LRRTM4: variants seen among roughly 807,000 people sequenced by gnomAD.
The protein encoded by LRRTM4 is leucine rich repeat transmembrane neuronal 4, also known as leucine-rich repeat transmembrane neuronal protein 4.
LRRTM4 carries 25 observed loss-of-function variants against 47.6 expected under a neutral mutation model. The observed-to-expected ratio is 0.53, with a 90% CI of 0.38 to 0.73. The LOEUF is 0.73. Among genes scored for constraint, LRRTM4 ranks in the 30% least tolerant of loss-of-function variants. The pLI, the probability that LRRTM4 is intolerant of heterozygous loss-of-function variation, is 0.00. For synonymous variants in LRRTM4, 311 were observed against 269.5 expected (o/e 1.15, Z -1.51); for missense variants, 638 against 713.4 (o/e 0.89, Z 1.20).
chr2:77,141,362 A>G (rs1178216966), intron 3 of LRRTM4, among the ~76,000 whole-genome samples: 1 of 152,016 alleles, frequency 6.6e-6, no homozygotes, highest in Non-Finnish European at 1.5e-5. Context: ...TCAGCAAACT[A>G]TCACAAGGAC....
At chr2:77,022,203 C>T (rs555296292) in intron 3 of LRRTM4, among the ~76,000 whole-genome samples, 49 of 152,274 alleles carry the variant, frequency 3.2e-4, no homozygotes, top group South Asian at 1.0e-3. Flanking sequence ...CATCAGATCT[C>T]TTGAGTCTTA....
chr2:76,890,582 A>T (rs1673220013), intron 3 of LRRTM4, among the ~76,000 whole-genome samples: 1 of 151,992 alleles, frequency 6.6e-6, no homozygotes, highest in South Asian at 2.1e-4. Context: ...TAAACATCAG[A>T]TAAGAAAAAA....
intron 3 of LRRTM4, among the ~76,000 whole-genome samples, chr2:77,226,585 T>G (rs1445401557): frequency 6.7e-6 from 1 of 150,302 alleles, no homozygotes; most frequent in Non-Finnish European, 1.5e-5. Context: ...CTAAAACAAT[T>G]ATTGCACTTA....
intron 3 of LRRTM4, among the ~76,000 whole-genome samples, chr2:77,473,232 G>A (rs1004816513): frequency 6.6e-6 from 1 of 152,072 alleles, no homozygotes; most frequent in African/African-American, 2.4e-5. Context: ...AGGGCTAAAT[G>A]TTACAATATA....
intron 3 of LRRTM4, among the ~76,000 whole-genome samples, chr2:76,997,024 A>G (rs1677227243): frequency 6.6e-6 from 1 of 152,150 alleles, no homozygotes; most frequent in South Asian, 2.1e-4. Flanking sequence ...GCTAAAGGAC[A>G]GGGTGTTGTC....
chr2:77,242,056 T>C (rs186000325), intron 3 of LRRTM4, among the ~76,000 whole-genome samples: 2 of 152,198 alleles, frequency 1.3e-5, no homozygotes, highest in African/African-American at 2.4e-5. Flanking sequence ...TATAACAAGT[T>C]TGAAAATCTG....
intron 3 of LRRTM4, among the ~76,000 whole-genome samples, chr2:77,514,917 T>C (rs4479445): frequency 0.32 from 47,990 of 151,798 alleles, 8,181 homozygotes; most frequent in Admixed American, 0.4. Context: ...TCCCTGGTCA[T>C]ATTTTTTAAT....
Position 76,894,908 on chromosome 2 carries a change from C to G in LRRTM4, c.1552-145992G>C, listed in dbSNP as rs555480997. 1.1e-4 allele frequency among the ~76,000 whole-genome samples: 17 copies of G among 151,060 alleles called. No individual in the cohort carries two copies. In the South Asian group the frequency reaches 3.3e-3, roughly 30 times the overall value. ...AGTCTCATATCTGCACATAGCTATA[C>G]TAGATACAACTCATTAATAATTTAT... On this transcript the variant is annotated intron_variant, in intron 3 of 3. Transcript: ENST00000409884.
intron 3 of LRRTM4, among the ~76,000 whole-genome samples, chr2:77,049,281 G>C (rs989635601): frequency 3.3e-5 from 5 of 150,302 alleles, no homozygotes; most frequent in African/African-American, 9.8e-5. Context: ...ATATCTATTT[G>C]ACATATTGAT....
At chr2:77,465,017 A>G (rs1223956879) in intron 3 of LRRTM4, among the ~76,000 whole-genome samples, 1 of 152,168 alleles carries the variant, frequency 6.6e-6, no homozygotes, top group African/African-American at 2.4e-5. Context: ...CTTTACCTAG[A>G]GATAAAGCAT....
intron 3 of LRRTM4, among the ~76,000 whole-genome samples, chr2:77,269,495 T>C (rs960346023): frequency 6.6e-6 from 1 of 152,190 alleles, no homozygotes; most frequent in Admixed American, 6.5e-5. Flanking sequence ...TTTAACACAA[T>C]AGATTATATG....
At chr2:77,167,462 A>G (rs1672919109) in intron 3 of LRRTM4, among the ~76,000 whole-genome samples, 1 of 152,210 alleles carries the variant, frequency 6.6e-6, no homozygotes, top group Non-Finnish European at 1.5e-5. Flanking sequence ...GTATATACCC[A>G]AAGGATTATA....
At chr2:76,971,517 G>T (rs1676218322) in intron 3 of LRRTM4, among the ~76,000 whole-genome samples, 1 of 152,008 alleles carries the variant, frequency 6.6e-6, no homozygotes, top group African/African-American at 2.4e-5. Context: ...GGCATCAGGG[G>T]TGTCTGTCTC....
chr2:77,066,854 G>T (rs1679972309), intron 3 of LRRTM4, among the ~76,000 whole-genome samples: 1 of 152,228 alleles, frequency 6.6e-6, no homozygotes, highest in Non-Finnish European at 1.5e-5. Context: ...AAACCAGTAT[G>T]TCTGGTAATG....
At chr2:77,014,226 CG>C (rs942484956) in intron 3 of LRRTM4, among the ~76,000 whole-genome samples, 30 of 151,888 alleles carry the variant, frequency 2.0e-4, no homozygotes, top group African/African-American at 5.8e-4. Context: ...TCAAAAGTAA[CG>C]GGAAGTAGGC....
intron 3 of LRRTM4, among the ~76,000 whole-genome samples, chr2:76,881,174 A>G (rs1363027377): frequency 2.0e-5 from 3 of 152,196 alleles, no homozygotes; most frequent in Non-Finnish European, 4.4e-5. Context: ...AATTGTGTAT[A>G]TGGAAACATC....
chr2:77,307,362 T>C (rs1207942873), intron 3 of LRRTM4, among the ~76,000 whole-genome samples: 2 of 151,366 alleles, frequency 1.3e-5, no homozygotes, highest in African/African-American at 4.8e-5. Context: ...ATATTTCATA[T>C]TTCAGGAATT....
At chr2:77,106,790 T>C (rs768134836) in intron 3 of LRRTM4, among the ~76,000 whole-genome samples, 41 of 151,716 alleles carry the variant, frequency 2.7e-4, no homozygotes, top group Admixed American at 2.1e-3. Context: ...ATATTAATGA[T>C]AATAATAATA....
At position 76,795,109 on chromosome 2, in the gene LRRTM4, C is replaced by T. The variant is rs894284981; in HGVS notation, c.1552-46193G>A. Among the ~76,000 whole-genome samples, 6 of 151,766 alleles carry T rather than the reference C, an allele frequency of 4.0e-5. No homozygotes were observed. In the South Asian group the frequency reaches 6.2e-4, roughly 16 times the overall value. ...GACGGCAGATATGACATGCTCAATACCGAGAGATTTACTAACAATAATATT... is the reference window on the plus strand; with the variant it reads ...GACGGCAGATATGACATGCTCAATATCGAGAGATTTACTAACAATAATATT... On this transcript the variant is annotated intron_variant, in intron 3 of 3. Coordinates refer to ENST00000409884, the MANE Select transcript of LRRTM4 (RefSeq NM_001134745.3).
Sources: allele counts gnomAD v4.1 joint callset (sites outside exome capture counted in the v4.1 genomes callset), GRCh38; gene constraint gnomAD v4.1.1; transcripts MANE v1.5; gene names NCBI Gene and HGNC (gene_info 2026-07-23, HGNC 2026-07-21).